Variants in LINGO2 observed in about 807,000 individuals in gnomAD.
LINGO2 encodes the protein leucine rich repeat and Ig domain containing 2.
Under a neutral mutation model 30.6 loss-of-function variants are expected in LINGO2, and 14 were observed. The ratio of observed to expected loss-of-function variants is 0.46; its 90% confidence interval spans 0.30 to 0.72. The LOEUF is 0.72. Among genes scored for constraint, LINGO2 ranks in the 30% least tolerant of loss-of-function variants. The probability of loss-of-function intolerance (pLI) is 0.07; values close to 1 mark genes in which losing one functional copy is unlikely to be tolerated. For missense variants in LINGO2, 729 were observed against 751.7 expected, an observed-to-expected ratio of 0.97 and a Z score of 0.35; for synonymous variants, 317 against 288.5, an observed-to-expected ratio of 1.10 and a Z score of -1.00.
the LINGO2 span, among the ~76,000 whole-genome samples, chr9:28,789,505 C>T: frequency 6.6e-6 from 1 of 152,072 alleles, no homozygotes. Flanking sequence ...GAAAGACAGC[C>T]CAAAGACCCC....
At chr9:28,523,222 C>T (rs1343625534) in intron 1 of LINGO2, among the ~76,000 whole-genome samples, 2 of 151,588 alleles carry the variant, frequency 1.3e-5, no homozygotes, top group Non-Finnish European at 2.9e-5. Flanking sequence ...TCCACATGAT[C>T]CTCTCAGTAG....
intron 2 of LINGO2, among the ~76,000 whole-genome samples, chr9:28,405,557 T>G (rs1385490084): frequency 6.6e-6 from 1 of 152,204 alleles, no homozygotes; most frequent in African/African-American, 2.4e-5. Context: ...CTATCACTAT[T>G]AGATTTGTAG....
At chr9:28,254,277 A>G (rs1373315257) in intron 4 of LINGO2, among the ~76,000 whole-genome samples, 9 of 152,128 alleles carry the variant, frequency 5.9e-5, no homozygotes, top group Admixed American at 5.9e-4. Flanking sequence ...GTCAGAATAT[A>G]TGAAAGAGCA....
At chr9:28,950,909 AC>A in the LINGO2 span, among the ~76,000 whole-genome samples, 1 of 152,192 alleles carries the variant, frequency 6.6e-6, no homozygotes. Context: ...TTCATATGGA[AC>A]CAAAAAAGTG....
intron 1 of LINGO2, among the ~76,000 whole-genome samples, chr9:28,568,545 A>C (rs1293529822): frequency 6.6e-6 from 1 of 152,082 alleles, no homozygotes; most frequent in African/African-American, 2.4e-5. Context: ...AAGACACTTT[A>C]TAATGAAATT....
chr9:28,936,299 G>C, the LINGO2 span, among the ~76,000 whole-genome samples: 1 of 152,270 alleles, frequency 6.6e-6, no homozygotes, highest in South Asian at 2.1e-4. Context: ...TATTTTGAAA[G>C]GGTGTTGTGG....
chr9:29,113,669 A>T, the LINGO2 span, among the ~76,000 whole-genome samples: 1 of 152,302 alleles, frequency 6.6e-6, no homozygotes, highest in Admixed American at 6.5e-5. Flanking sequence ...AGGTTTCAAT[A>T]GAAATTTTAA....
Position 28,088,201 on chromosome 9 carries a change from TATACAC to T in LINGO2, c.-86-75802_-86-75797del, listed in dbSNP as rs1323816399. Among the ~76,000 whole-genome samples, 6 of 59,562 alleles carry T rather than the reference TATACAC, an allele frequency of 1.0e-4. No individual in the cohort carries two copies. The East Asian group carries it at 3.7e-3, about 37-fold the overall frequency. The allele number at this position is 59,562 out of a possible 152,430, so 39.1% of individuals were successfully genotyped here. On this transcript the variant is annotated intron_variant, in intron 4 of 5. Coordinates refer to ENST00000379992, the Ensembl canonical transcript of LINGO2. ...AGAAATAAGATTATATATATATAATTATACACACACACACACACACACACACACACA... is the reference window on the plus strand; with the variant it reads ...AGAAATAAGATTATATATATATAATTACACACACACACACACACACACACA...
At chr9:28,842,479 T>G in the LINGO2 span, among the ~76,000 whole-genome samples, 4 of 151,854 alleles carry the variant, frequency 2.6e-5, no homozygotes, top group Non-Finnish European at 5.9e-5. Flanking sequence ...GAATGGAGAT[T>G]GTCATGCCTT....
At chr9:28,933,289 G>C in the LINGO2 span, among the ~76,000 whole-genome samples, 1 of 152,044 alleles carries the variant, frequency 6.6e-6, no homozygotes, top group Admixed American at 6.6e-5. Flanking sequence ...TCACCACCCT[G>C]CTTCATTGGG....
chr9:28,353,587 CAGTGT>C (rs1021972204), intron 3 of LINGO2, among the ~76,000 whole-genome samples: 5 of 150,942 alleles, frequency 3.3e-5, no homozygotes, highest in African/African-American at 1.2e-4. Context: ...TTGTGGAAGT[CAGTGT>C]GGCGATTCCT....
At chr9:28,238,117 A>G (rs974136595) in intron 4 of LINGO2, among the ~76,000 whole-genome samples, 1 of 151,828 alleles carries the variant, frequency 6.6e-6, no homozygotes, top group East Asian at 1.9e-4. Flanking sequence ...ACACTGCAGC[A>G]CCCAGATATA....
In LINGO2 at chr9:28,185,666, C is replaced by T. The variant is rs1159699448; in HGVS notation, c.-87+109542G>A. Among the ~76,000 whole-genome samples, 3 of 152,102 alleles carry T rather than the reference C, an allele frequency of 2.0e-5. No homozygotes were observed. In the East Asian group the frequency reaches 5.8e-4, roughly 29 times the overall value. On this transcript the variant is annotated intron_variant, in intron 4 of 5. Transcript: ENST00000379992. Reference sequence around the variant, plus strand: ...AGGACTGCAAAAATATAGTTCTTAGCTACACTTCTTTCTCCTCATAGATTT... The same window carrying T: ...AGGACTGCAAAAATATAGTTCTTAGTTACACTTCTTTCTCCTCATAGATTT...
At chr9:29,063,310 A>G in the LINGO2 span, among the ~76,000 whole-genome samples, 13 of 152,190 alleles carry the variant, frequency 8.5e-5, no homozygotes, top group African/African-American at 3.1e-4. Flanking sequence ...AGTGTACTGT[A>G]TGAATTCATA....
At chr9:29,066,613 A>G in the LINGO2 span, among the ~76,000 whole-genome samples, 11 of 152,068 alleles carry the variant, frequency 7.2e-5, no homozygotes, top group African/African-American at 2.2e-4. Context: ...GCTTCCCTAT[A>G]TGTAACAAAC....
At chr9:28,371,495 G>A (rs1820894242) in intron 3 of LINGO2, among the ~76,000 whole-genome samples, 1 of 152,206 alleles carries the variant, frequency 6.6e-6, no homozygotes, top group Non-Finnish European at 1.5e-5. Flanking sequence ...TCTTTTATAA[G>A]GGCACTAATC....
chr9:28,725,098 T>A, the LINGO2 span, among the ~76,000 whole-genome samples: 1 of 152,058 alleles, frequency 6.6e-6, no homozygotes, highest in Non-Finnish European at 1.5e-5. Flanking sequence ...TTAATGATGA[T>A]CTATTCCATG....
At chr9:28,932,353 C>A in the LINGO2 span, among the ~76,000 whole-genome samples, 291 of 151,966 alleles carry the variant, frequency 1.9e-3, 5 homozygotes, top group Non-Finnish European at 3.7e-4. Context: ...AACTGGAATT[C>A]CTTCTCTCTC....
At chr9:27,997,848 C>G (rs1821744959) in intron 5 of LINGO2, among the ~76,000 whole-genome samples, 1 of 151,896 alleles carries the variant, frequency 6.6e-6, no homozygotes, top group Non-Finnish European at 1.5e-5. Flanking sequence ...ATTATTCCTT[C>G]CCAAGTCATG....
Sources: allele counts gnomAD v4.1 joint callset (sites outside exome capture counted in the v4.1 genomes callset), GRCh38; gene constraint gnomAD v4.1.1; transcripts MANE v1.5; gene names NCBI Gene and HGNC (gene_info 2026-07-23, HGNC 2026-07-21).